Variants in LAMA2 observed in about 807,000 individuals in gnomAD.
LAMA2 encodes laminin subunit alpha 2.
In LAMA2, 269 loss-of-function variants were observed where a neutral mutation model predicts 364.8. The ratio of observed to expected loss-of-function variants is 0.74; its 90% CI spans 0.67 to 0.82. The LOEUF (loss-of-function observed/expected upper bound fraction) is 0.82. Ranked by LOEUF, LAMA2 falls within the 40% of genes least tolerant of loss-of-function variation. The pLI is 0.00. For missense variants in LAMA2, 3,807 were observed against 3,873.2 expected, an observed-to-expected ratio of 0.98 and a Z score of 0.45; for synonymous variants, 1,379 against 1,370.6, an observed-to-expected ratio of 1.01 and a Z score of -0.14.
chr6:129,341,173 A>G (rs1776249072), intron 29 of LAMA2, among the ~76,000 whole-genome samples: 1 of 152,220 alleles, frequency 6.6e-6, no homozygotes, highest in African/African-American at 2.4e-5. Context: ...TCTGGCCATT[A>G]GAAGACACAT....
At chr6:129,515,040 GTTTATA>G (rs1344409620) in intron 64 of LAMA2, among the ~76,000 whole-genome samples, 1 of 152,098 alleles carries the variant, frequency 6.6e-6, no homozygotes, top group African/African-American at 2.4e-5. Flanking sequence ...TTATTATAGA[GTTTATA>G]TTTATATTAC....
At chr6:129,411,724 G>C (rs1407706737) in intron 40 of LAMA2, among the ~76,000 whole-genome samples, 1 of 150,582 alleles carries the variant, frequency 6.6e-6, no homozygotes, top group Non-Finnish European at 1.5e-5. Flanking sequence ...CGCTTCATTT[G>C]CTATAAATAC....
intron 35 of LAMA2, among the ~76,000 whole-genome samples, chr6:129,384,996 C>A (rs1263506883): frequency 1.7e-5 from 2 of 117,044 alleles, no homozygotes; most frequent in Admixed American, 1.1e-4. Context: ...ACTAAATGTT[C>A]ATTGAGATGT....
At chr6:128,898,914 C>A (rs1460123156) in intron 1 of LAMA2, among the ~76,000 whole-genome samples, 1 of 152,126 alleles carries the variant, frequency 6.6e-6, no homozygotes, top group Non-Finnish European at 1.5e-5. Context: ...GAGCATTGTT[C>A]CATTAGATCC....
chr6:128,944,945 C>T (rs6938402), intron 1 of LAMA2, among the ~76,000 whole-genome samples: 19,379 of 152,132 alleles, frequency 0.13, 1,549 homozygotes, highest in African/African-American at 0.23. Flanking sequence ...CACCAGGCCC[C>T]TCCCCTAACA....
At chr6:129,232,088 A>C (rs188611493) in intron 12 of LAMA2, among the ~76,000 whole-genome samples, 2 of 152,252 alleles carry the variant, frequency 1.3e-5, no homozygotes, top group African/African-American at 4.8e-5. Context: ...TAACCTGAAA[A>C]ATATAGCTGT....
chr6:129,197,429 C>T lies in LAMA2; in HGVS notation c.1782+4576C>T, dbSNP rs191916046. Among the ~76,000 whole-genome samples, 33 of 152,302 alleles carry T rather than the reference C, an allele frequency of 2.2e-4. 1 individual carries two copies. The highest frequency in any genetic ancestry group is 7.0e-4 in the African/African-American group (29 of 41,572). On this transcript the variant is annotated intron_variant, in intron 12 of 64. Coordinates refer to ENST00000421865, the MANE Select transcript of LAMA2 (RefSeq NM_000426.4). ...CTGTTCAGGCAGAATTTTACTCTTT[C>T]GACCAATTGCCAGTCAGAAAATCTT... is the stretch of plus-strand genomic sequence containing the variant.
rs758048596 is a variant in LAMA2, at chr6:129,383,105, C to T, written c.4960-17C>T. On this transcript the variant is annotated splice_polypyrimidine_tract_variant and intron_variant, in intron 34 of 64. Transcript: ENST00000421865. ...TCATCTCTATTAATTATGTGTTTCCCGAATTTGGATCATTAGGCTACCAAA... is the reference window on the plus strand; with the variant it reads ...TCATCTCTATTAATTATGTGTTTCCTGAATTTGGATCATTAGGCTACCAAA... 152 of 1,602,742 alleles carry T rather than the reference C, an allele frequency of 9.5e-5. No individual in the cohort carries two copies. Among genetic ancestry groups the T allele is most frequent in the Non-Finnish European group, 1.2e-4 (142 of 1,170,504 alleles).
chr6:129,353,613 C>G (rs1220036570), intron 32 of LAMA2, among the ~76,000 whole-genome samples: 1 of 152,092 alleles, frequency 6.6e-6, no homozygotes, highest in African/African-American at 2.4e-5. Context: ...TACAATGAAG[C>G]TCCTGGAGGC....
At chr6:129,372,314 C>T (rs534431319) in intron 34 of LAMA2, among the ~76,000 whole-genome samples, 1 of 152,346 alleles carries the variant, frequency 6.6e-6, no homozygotes, top group East Asian at 1.9e-4. Flanking sequence ...ATACCTCCCT[C>T]TTCCTTGACC....
rs2494575 is a variant in LAMA2 at position 129,314,454 on chromosome 6, T to G, written c.3412-201T>G. 3.8e-3 allele frequency among the ~76,000 whole-genome samples: 446 copies of G among 117,944 alleles called. No homozygotes were observed. Among genetic ancestry groups the G allele is most frequent in the African/African-American group, 0.013 (414 of 31,300 alleles). 77.4% of individuals were successfully genotyped at this position (117,944 alleles called of 152,430 possible). On this transcript the variant is annotated intron_variant, in intron 23 of 64. Coordinates refer to ENST00000421865, the MANE Select transcript of LAMA2 (RefSeq NM_000426.4). ...CTTTAGTCTTATATCTATTTAAAAA[T>G]AAAGCATTTTTAAAAGATCCATGAA...
At chr6:128,975,339 C>T (rs1263747760) in intron 1 of LAMA2, among the ~76,000 whole-genome samples, 1 of 152,016 alleles carries the variant, frequency 6.6e-6, no homozygotes, top group Non-Finnish European at 1.5e-5. Context: ...GAATTTCAGG[C>T]AAATAAAACT....
chr6:129,469,877 A>G (rs1783725340), intron 51 of LAMA2, among the ~76,000 whole-genome samples: 1 of 151,948 alleles, frequency 6.6e-6, no homozygotes, highest in Non-Finnish European at 1.5e-5. Context: ...TTTGTATAAA[A>G]TTACATAGAA....
chr6:129,222,865 G>A (rs1390121160), intron 12 of LAMA2, among the ~76,000 whole-genome samples: 1 of 152,100 alleles, frequency 6.6e-6, no homozygotes, highest in African/African-American at 2.4e-5. Flanking sequence ...CCCAGTAATG[G>A]GATGACTGGG....
chr6:129,038,792 C>T (rs1402315716), intron 1 of LAMA2, among the ~76,000 whole-genome samples: 1 of 152,130 alleles, frequency 6.6e-6, no homozygotes, highest in East Asian at 1.9e-4. Flanking sequence ...TGCATACCCT[C>T]AATAGTAGAC....
At chr6:129,187,681 T>C (rs1562312309) in intron 10 of LAMA2, among the ~76,000 whole-genome samples, 1 of 151,770 alleles carries the variant, frequency 6.6e-6, no homozygotes, top group Non-Finnish European at 1.5e-5. Context: ...AGACCAGAAA[T>C]GTTTCCGATT....
intron 22 of LAMA2, among the ~76,000 whole-genome samples, chr6:129,310,755 G>A (rs1774165008): frequency 6.6e-6 from 1 of 152,134 alleles, no homozygotes; most frequent in African/African-American, 2.4e-5. Flanking sequence ...GACAGTGAAG[G>A]AGTTAAGGGC....
intron 12 of LAMA2, among the ~76,000 whole-genome samples, chr6:129,204,445 G>GGGC (rs1389637456): frequency 1.3e-4 from 20 of 151,820 alleles, no homozygotes; most frequent in Non-Finnish European, 2.2e-4. Flanking sequence ...TCCTTAAGGT[G>GGGC]GGCGCTAACG....
chr6:129,302,868 A>G (rs992048374), intron 22 of LAMA2, among the ~76,000 whole-genome samples: 4 of 152,126 alleles, frequency 2.6e-5, no homozygotes, highest in Non-Finnish European at 4.4e-5. Context: ...GCTTTCCAGC[A>G]AGTCATAAAA....
Sources: gnomAD v4.1 joint callset for allele counts (sites outside exome capture counted in the v4.1 genomes callset) on GRCh38, gnomAD v4.1.1 for gene constraint, MANE v1.5 for transcripts, NCBI Gene and HGNC (gene_info 2026-07-23, HGNC 2026-07-21) for gene names.